The following UBAP2 variants were observed in gnomAD, a reference collection of about 807,000 sequenced individuals.
UBAP2 encodes the protein ubiquitin-associated protein 2.
In UBAP2, 75 loss-of-function variants were observed where a neutral mutation model predicts 139.6. That is an observed-to-expected ratio of 0.54 (90% confidence interval 0.45 to 0.65). The LOEUF (loss-of-function observed/expected upper bound fraction) is 0.65, where lower values mean the gene tolerates loss of function less well. Ranked by LOEUF, UBAP2 falls within the 30% of genes least tolerant of loss-of-function variation. The pLI is 0.00. For missense variants in UBAP2, 1,368 were observed against 1,369.6 expected (o/e 1.00, Z 0.02); for synonymous variants, 526 against 526.2 (o/e 1.00, Z 0.01).
chr9:34,045,002 G>C (rs1380333046), intron 1 of UBAP2, among the ~76,000 whole-genome samples: 5 of 151,740 alleles, frequency 3.3e-5, no homozygotes, highest in Non-Finnish European at 7.4e-5. Context: ...GCTATGTCCA[G>C]CATGAAAATT....
chr9:33,996,317 CCT>C lies in UBAP2; in HGVS notation c.192_193del (p.Gly65GlufsTer5), dbSNP rs764460362. 6.2e-7 allele frequency: 1 copy of C among 1,613,192 alleles called. No homozygotes were observed. Among genetic ancestry groups the C allele is most frequent in the East Asian group, 2.2e-5 (1 of 44,832 alleles). On this transcript the variant is annotated frameshift_variant, in exon 4 of 29. Coordinates refer to ENST00000379238, the MANE Select transcript of UBAP2 (RefSeq NM_001370062.2). LOFTEE classifies it high-confidence loss of function. ...CACTATGCATTCATCCTGATTTTTC[CCT>C]GTCACTTCCATAAGCTAGTGAACAT... is the stretch of plus-strand genomic sequence containing the variant.
chr9:34,022,286 C>A (rs79890831), intron 1 of UBAP2, among the ~76,000 whole-genome samples: 123 of 152,086 alleles, frequency 8.1e-4, no homozygotes, highest in Non-Finnish European at 1.4e-3. Flanking sequence ...CACTAATACT[C>A]TGCAATTCCA....
intron 7 of UBAP2, among the ~76,000 whole-genome samples, chr9:33,972,007 C>A (rs1827951126): frequency 6.6e-6 from 1 of 152,212 alleles, no homozygotes; most frequent in Admixed American, 6.5e-5. Context: ...GAAACACGGT[C>A]CTCTGCATCC....
chr9:33,937,825 G>A (rs1221210272), intron 16 of UBAP2, among the ~76,000 whole-genome samples: 2 of 151,848 alleles, frequency 1.3e-5, no homozygotes, highest in Non-Finnish European at 2.9e-5. Flanking sequence ...AGGAGGCTGA[G>A]GCAGGAGAAT....
At chr9:33,993,933 C>T (rs1467754842) in intron 4 of UBAP2, among the ~76,000 whole-genome samples, 4 of 139,032 alleles carry the variant, frequency 2.9e-5, no homozygotes, top group Non-Finnish European at 4.5e-5. Flanking sequence ...CTCGCACTGT[C>T]GCCTGGGCTG....
chr9:33,922,918 C>A lies in UBAP2; in HGVS notation c.3073-40G>T, dbSNP rs372893129. ...AGACAATGGTGAAGGTCAGGTTGGG[C>A]TGTAACCTCTCAAAAACCTATACAC... On this transcript the variant is annotated intron_variant, in intron 27 of 28. Transcript: ENST00000379238. The A allele has an allele frequency of 6.8e-6, 11 of 1,613,834 alleles. 1 individual carries two copies. In the Admixed American group the frequency reaches 8.3e-5, roughly 12 times the overall value.
intron 12 of UBAP2, 73 bp from the exon 13 acceptor site, chr9:33,948,660 G>A (rs974887505): frequency 2.1e-5 from 26 of 1,236,802 alleles, no homozygotes; most frequent in African/African-American, 3.0e-5. Context: ...AACATATCAA[G>A]TATTTTCACA....
chr9:33,939,904 AG>A (rs1175472100), intron 16 of UBAP2, among the ~76,000 whole-genome samples: 1 of 11,068 alleles, frequency 9.0e-5, no homozygotes. Flanking sequence ...GAGGAGGAGG[AG>A]GATGGGGAGG....
intron 1 of UBAP2, among the ~76,000 whole-genome samples, chr9:34,044,388 A>G (rs1187438683): frequency 6.6e-6 from 1 of 150,946 alleles, no homozygotes; most frequent in Non-Finnish European, 1.5e-5. Flanking sequence ...GCAAGAGAGC[A>G]AGACTCTGTC....
intron 1 of UBAP2, among the ~76,000 whole-genome samples, chr9:34,034,718 C>G (rs1443021517): frequency 6.6e-6 from 1 of 151,910 alleles, no homozygotes; most frequent in Non-Finnish European, 1.5e-5. Flanking sequence ...ACTAAAAATA[C>G]AAAAATTAGC....
At chr9:33,958,418 T>C (rs199660426) in intron 10 of UBAP2, among the ~76,000 whole-genome samples, 1 of 56,800 alleles carries the variant, frequency 1.8e-5, no homozygotes, top group Non-Finnish European at 4.0e-5. Context: ...CCCCACCCCC[T>C]TTTTTTTTTG....
intron 6 of UBAP2, among the ~76,000 whole-genome samples, chr9:33,984,703 A>G (rs1821058720): frequency 6.6e-6 from 1 of 152,010 alleles, no homozygotes; most frequent in African/African-American, 2.4e-5. Context: ...ACAGTAGACA[A>G]AGGATCTAAA....
At chr9:33,943,710 G>T in intron 14 of UBAP2, 121 bp from the exon 15 acceptor site, 1 of 824,188 alleles carries the variant, frequency 1.2e-6, no homozygotes, top group Non-Finnish European at 1.9e-6. Flanking sequence ...GAAGGAGTGA[G>T]AAACAAGGAG....
chr9:33,984,821 C>G (rs564748147), intron 6 of UBAP2, among the ~76,000 whole-genome samples: 1 of 152,088 alleles, frequency 6.6e-6, no homozygotes, highest in East Asian at 1.9e-4. Context: ...CCAGTTAGAA[C>G]GGCTATTATC....
chr9:33,942,402 G>A (rs1825305062), intron 15 of UBAP2, among the ~76,000 whole-genome samples: 1 of 150,536 alleles, frequency 6.6e-6, no homozygotes, highest in South Asian at 2.1e-4. Flanking sequence ...ATCAGGTTTT[G>A]CCTCTGGAAT....
chr9:33,999,853 CGTATGTATGTAT>C (rs67444158), intron 2 of UBAP2, among the ~76,000 whole-genome samples: 303 of 138,264 alleles, frequency 2.2e-3, no homozygotes, highest in African/African-American at 5.9e-3. Flanking sequence ...GGGATTACTA[CGTATGTATGTAT>C]GTATGTATGT....
chr9:33,997,869 T>G (rs1822330425), intron 3 of UBAP2: 2 of 152,182 alleles, frequency 1.3e-5, no homozygotes, highest in Non-Finnish European at 2.9e-5. Flanking sequence ...AAACAAGATT[T>G]CATTGTGAGA....
intron 20 of UBAP2, 113 bp downstream of exon 20, chr9:33,927,684 G>A: frequency 9.0e-7 from 1 of 1,113,738 alleles, no homozygotes. Context: ...GGAACACGCA[G>A]CGCACTCGGC....
At chr9:33,938,022 GTGTC>G (rs1291728547) in intron 16 of UBAP2, among the ~76,000 whole-genome samples, 35 of 152,228 alleles carry the variant, frequency 2.3e-4, no homozygotes, top group African/African-American at 8.4e-4. Flanking sequence ...TTTTGAGACA[GTGTC>G]TGGCTCTGTC....
Sources: allele counts gnomAD v4.1 joint callset (sites outside exome capture counted in the v4.1 genomes callset), GRCh38; gene constraint gnomAD v4.1.1; transcripts MANE v1.5; gene names NCBI Gene and HGNC (gene_info 2026-07-23, HGNC 2026-07-21).